SLC67A1: variants seen among roughly 807,000 people sequenced by gnomAD.
The protein encoded by SLC67A1 is solute carrier family 67 member 1.
At chr11:2,904,473 G>C in the SLC67A1 span, among the ~76,000 whole-genome samples, 1 of 152,358 alleles carries the variant, frequency 6.6e-6, no homozygotes, top group Non-Finnish European at 1.5e-5. Flanking sequence ...GGGGAAGGCT[G>C]GGCAGGAGCC....
At chr11:2,900,616 C>T in the SLC67A1 span, among the ~76,000 whole-genome samples, 1 of 147,542 alleles carries the variant, frequency 6.8e-6, no homozygotes, top group Non-Finnish European at 1.5e-5. Context: ...TGGCGTGAAC[C>T]CGGGAGGCGG....
the SLC67A1 span, chr11:2,917,868 G>A: frequency 7.1e-6 from 5 of 699,444 alleles, no homozygotes; most frequent in African/African-American, 9.0e-5. Context: ...TGAAGCCAAG[G>A]AAGGAAGCTT....
At chr11:2,909,323 C>T in the SLC67A1 span, 3 of 1,532,512 alleles carry the variant, frequency 2.0e-6, no homozygotes, top group Non-Finnish European at 1.7e-6. Flanking sequence ...CTTCGCCTCG[C>T]GCCTGCCCGG....
chr11:2,900,071 C>T, the SLC67A1 span, among the ~76,000 whole-genome samples: 11 of 151,750 alleles, frequency 7.2e-5, no homozygotes, highest in South Asian at 2.1e-3. Context: ...CCCACCCCCA[C>T]CTTACACAGC....
chr11:2,925,243 C>T, the SLC67A1 span: 6 of 1,555,190 alleles, frequency 3.9e-6, no homozygotes, highest in South Asian at 7.0e-5. The surrounding 1 kb of genome is among the most constrained non-coding windows in gnomAD (Gnocchi z 6.5). Context: ...CTAAATCCCT[C>T]CGACCTCTTC....
chr11:2,924,942 G>GTGT, the SLC67A1 span: 1 of 1,435,756 alleles, frequency 7.0e-7, no homozygotes, highest in Non-Finnish European at 9.5e-7. This position sits in a 1 kb window ranked among gnomAD's most constrained non-coding sequence, Gnocchi z 8.6. Context: ...GGCCATGGCT[G>GTGT]TGTTCAGGAA....
At chr11:2,921,887 C>T in the SLC67A1 span, 2 of 585,222 alleles carry the variant, frequency 3.4e-6, no homozygotes, top group Admixed American at 5.9e-5. Flanking sequence ...GGAGCCCCGA[C>T]TCCTCAGGGA....
At chr11:2,922,734 G>T in the SLC67A1 span, among the ~76,000 whole-genome samples, 1 of 151,920 alleles carries the variant, frequency 6.6e-6, no homozygotes, top group East Asian at 2.0e-4. Flanking sequence ...GATGAGTAAG[G>T]TGGGGAGCCT....
At chr11:2,925,052 G>A in the SLC67A1 span, 1,120 of 1,613,556 alleles carry the variant, frequency 6.9e-4, 14 homozygotes, top group South Asian at 0.011. The surrounding 1 kb of genome is among the most constrained non-coding windows in gnomAD (Gnocchi z 6.5). Context: ...CCACTGCTCC[G>A]AACTCTGGGA....
the SLC67A1 span, chr11:2,922,304 C>T: frequency 2.7e-6 from 4 of 1,480,278 alleles, no homozygotes; most frequent in Non-Finnish European, 3.7e-6. Flanking sequence ...ACTCCTCCAG[C>T]CCCCCACACC....
At chr11:2,904,624 C>T in the SLC67A1 span, among the ~76,000 whole-genome samples, 1 of 152,270 alleles carries the variant, frequency 6.6e-6, no homozygotes, top group Admixed American at 6.5e-5. Context: ...CATCGACTCT[C>T]ATGGGGAGTA....
At chr11:2,909,418 G>T in the SLC67A1 span, 1 of 1,478,372 alleles carries the variant, frequency 6.8e-7, no homozygotes, top group South Asian at 1.3e-5. Context: ...CGGAGGACCC[G>T]GGACACCTCC....
chr11:2,902,408 C>G, the SLC67A1 span: 1 of 177,494 alleles, frequency 5.6e-6, no homozygotes, highest in Admixed American at 6.5e-5. Flanking sequence ...GAGCCCCGAA[C>G]CCCGAACTCC....
At chr11:2,914,061 T>C in the SLC67A1 span, among the ~76,000 whole-genome samples, 3 of 152,038 alleles carry the variant, frequency 2.0e-5, no homozygotes, top group Non-Finnish European at 4.4e-5. Flanking sequence ...CATTTGCATA[T>C]AAGGAAATGA....
chr11:2,919,317 G>A, the SLC67A1 span: 4 of 1,613,466 alleles, frequency 2.5e-6, no homozygotes, highest in Non-Finnish European at 1.7e-6. Flanking sequence ...GGCTCTTCAT[G>A]GTCATGTTCT....
chr11:2,912,187 G>T, the SLC67A1 span, among the ~76,000 whole-genome samples: 1 of 152,236 alleles, frequency 6.6e-6, no homozygotes, highest in East Asian at 1.9e-4. Context: ...GCCCAGAGTG[G>T]TGGTGGCACA....
At chr11:2,908,937 T>C in the SLC67A1 span, among the ~76,000 whole-genome samples, 2 of 152,196 alleles carry the variant, frequency 1.3e-5, no homozygotes, top group East Asian at 3.9e-4. Flanking sequence ...CCACCATTTA[T>C]TTTTACACGG....
At chr11:2,903,626 C>T in the SLC67A1 span, 1 of 880,388 alleles carries the variant, frequency 1.1e-6, no homozygotes, top group Non-Finnish European at 1.8e-6. Flanking sequence ...GGACTCATGC[C>T]ACGCTTAAGC....
chr11:2,914,987 C>T, the SLC67A1 span: 17 of 985,432 alleles, frequency 1.7e-5, no homozygotes, highest in Middle Eastern at 5.2e-4. Context: ...CCCATTCGTG[C>T]GGAACCCCAG....
Sources: gnomAD v4.1 joint callset for allele counts (sites outside exome capture counted in the v4.1 genomes callset) on GRCh38, gnomAD v4.1.1 for gene constraint, Gnocchi (gnomAD v3.1) non-coding constraint, MANE v1.5 for transcripts, NCBI Gene and HGNC (gene_info 2026-07-23, HGNC 2026-07-21) for gene names.